The following ADAM28 variants were observed in gnomAD, a reference collection of about 807,000 sequenced individuals.
The protein encoded by ADAM28 is ADAM metallopeptidase domain 28.
ADAM28 carries 105 observed loss-of-function variants against 101.2 expected under a neutral mutation model. The observed-to-expected ratio is 1.04, with a 90% CI of 0.89 to 1.22. The LOEUF is 1.22. Among genes scored for constraint, ADAM28 ranks in the 50% most tolerant of loss-of-function variants. ADAM28 has a pLI of 0.00. For missense variants in ADAM28, 1,028 were observed against 945.4 expected, an observed-to-expected ratio of 1.09 and a Z score of -1.15; for synonymous variants, 322 against 310.6, an observed-to-expected ratio of 1.04 and a Z score of -0.39.
intron 9 of ADAM28, among the ~76,000 whole-genome samples, chr8:24,325,836 A>G (rs1812465162): frequency 7.2e-6 from 1 of 139,080 alleles, no homozygotes; most frequent in Middle Eastern, 3.7e-3. Context: ...GCAAATTTCT[A>G]GAGACAATTA....
intron 18 of ADAM28, among the ~76,000 whole-genome samples, chr8:24,348,780 T>C (rs6981000): frequency 0.072 from 10,986 of 152,192 alleles, 702 homozygotes; most frequent in African/African-American, 0.17. Flanking sequence ...TGTGCCCCAA[T>C]TTTAGCTCCA....
intron 6 of ADAM28, among the ~76,000 whole-genome samples, chr8:24,314,023 C>G (rs1010552222): frequency 3.9e-5 from 6 of 152,136 alleles, no homozygotes; most frequent in African/African-American, 7.2e-5. Context: ...TCCCAAAGTG[C>G]TGAGATTACA....
At chr8:24,338,010 G>A (rs1814297179) in intron 14 of ADAM28, among the ~76,000 whole-genome samples, 1 of 152,168 alleles carries the variant, frequency 6.6e-6, no homozygotes, top group Non-Finnish European at 1.5e-5. Context: ...CAGTGTCACA[G>A]AAAACATAAC....
In ADAM28 at chr8:24,343,585, G is replaced by A. The variant is rs753075591; in HGVS notation, c.1990+1G>A. On this transcript the variant is annotated splice_donor_variant, in intron 18 of 22. Coordinates refer to ENST00000265769, the MANE Select transcript of ADAM28 (RefSeq NM_014265.6). LOFTEE classifies it high-confidence loss of function. ...TGCGATGACTCCTCAGTGGTCTTCC[G>A]TAGGTAACATTACACATCTAACCTG... 1.7e-5 allele frequency: 27 copies of A among 1,613,384 alleles called. No homozygotes were observed. Among genetic ancestry groups the A allele is most frequent in the South Asian group, 5.5e-5 (5 of 91,060 alleles).
In ADAM28 at chr8:24,309,983, A is replaced by G. The variant is rs776006995; in HGVS notation, c.227+13A>G. On this transcript the variant is annotated intron_variant, in intron 3 of 22. Coordinates refer to ENST00000265769, the MANE Select transcript of ADAM28 (RefSeq NM_014265.6). Reference sequence around the variant, plus strand: ...TGAAAAAAAACAAGTAAGTATCTTTACCTGTGATATTATCCTCAGCAAGAG... The same window carrying G: ...TGAAAAAAAACAAGTAAGTATCTTTGCCTGTGATATTATCCTCAGCAAGAG... 4.5e-6 allele frequency: 7 copies of G among 1,548,604 alleles called. No homozygotes were observed. The highest frequency in any genetic ancestry group is 6.2e-6 in the Non-Finnish European group (7 of 1,122,622).
chr8:24,333,873 C>T (rs1013362939), intron 13 of ADAM28, among the ~76,000 whole-genome samples: 1 of 152,102 alleles, frequency 6.6e-6, no homozygotes. Flanking sequence ...TGTTTCCATA[C>T]TCAGATTGAC....
intron 1 of ADAM28, among the ~76,000 whole-genome samples, chr8:24,295,525 CT>C (rs1200387083): frequency 6.6e-6 from 1 of 152,136 alleles, no homozygotes; most frequent in Non-Finnish European, 1.5e-5. Context: ...CCAGAACCCC[CT>C]CTAAGCTGAA....
intron 11 of ADAM28, 57 bp from the exon 12 acceptor site, chr8:24,331,093 T>C: frequency 6.7e-7 from 1 of 1,497,294 alleles, no homozygotes; most frequent in Non-Finnish European, 9.0e-7. Context: ...TGTCAGATAC[T>C]GCTTCGCACA....
chr8:24,324,261 G>A (rs1812261808), intron 9 of ADAM28, among the ~76,000 whole-genome samples: 1 of 151,874 alleles, frequency 6.6e-6, no homozygotes, highest in Admixed American at 6.6e-5. Context: ...ATAATGGAAA[G>A]AGAGTTTTTG....
intron 6 of ADAM28, among the ~76,000 whole-genome samples, chr8:24,316,517 G>A (rs1319098754): frequency 6.6e-6 from 1 of 152,000 alleles, no homozygotes; most frequent in East Asian, 1.9e-4. Flanking sequence ...CTGGAATGAT[G>A]TGAAACTCTA....
At chr8:24,308,732 A>T (rs2129259596) in intron 2 of ADAM28, 1 of 456,146 alleles carries the variant, frequency 2.2e-6, no homozygotes, top group African/African-American at 2.0e-5. Context: ...GATTACTGAC[A>T]GCAGAGCAGA....
chr8:24,306,300 T>C (rs760729219), intron 2 of ADAM28, among the ~76,000 whole-genome samples: 36 of 147,816 alleles, frequency 2.4e-4, no homozygotes, highest in Non-Finnish European at 5.3e-4. Context: ...GCTGAGATCA[T>C]GCCACTGCAC....
At position 24,321,235 on chromosome 8, in the gene ADAM28, G is replaced by A; in HGVS notation, c.666G>A (p.Glu222=). ...LDNGEFKRYN[E]NQDEIRKRVF... is the part of the protein sequence containing the mutation. ...TCTTTTAGTTTAAAAGGTACAATGA[G>A]AATCAAGATGAGATCAGAAAGAGGG... The change falls in exon 8 of 23, where the codon GAG becomes GAA. Residue 222 remains glutamate (E), a synonymous_variant. Coordinates refer to ENST00000265769, the MANE Select transcript of ADAM28 (RefSeq NM_014265.6). 6.2e-7 allele frequency: 1 copy of A among 1,604,850 alleles called. No individual in the cohort carries two copies. Among genetic ancestry groups the A allele is most frequent in the Non-Finnish European group, 8.5e-7 (1 of 1,172,368 alleles).
intron 12 of ADAM28, among the ~76,000 whole-genome samples, chr8:24,331,816 G>A (rs992709332): frequency 5.3e-5 from 8 of 152,042 alleles, no homozygotes; most frequent in African/African-American, 1.9e-4. Context: ...TTACTGCTTT[G>A]GGACTCGGGA....
chr8:24,313,670 T>C, intron 6 of ADAM28, 90 bp downstream of exon 6: 1 of 1,348,782 alleles, frequency 7.4e-7, no homozygotes, highest in Non-Finnish European at 1.0e-6. Context: ...ACTATAGTCA[T>C]TGTCAAAATT....
At chr8:24,350,075 T>G in intron 19 of ADAM28, 103 bp downstream of exon 19, 2 of 1,019,654 alleles carry the variant, frequency 2.0e-6, no homozygotes, top group Non-Finnish European at 2.8e-6. Context: ...TTGGTTTACT[T>G]CTAATATTCA....
At chr8:24,338,511 ATTCTT>A in intron 14 of ADAM28, among the ~76,000 whole-genome samples, 1 of 152,258 alleles carries the variant, frequency 6.6e-6, no homozygotes, top group South Asian at 2.1e-4. Flanking sequence ...ATGACTAATG[ATTCTT>A]TTCTTCCATG....
rs200346695 is a variant in ADAM28, at chr8:24,349,896, A to T, written c.2023A>T (p.Met675Leu). Reference protein sequence around the residue: ...FSIVVGVLFPMAVIFVVVAMV... With the variant: ...FSIVVGVLFPLAVIFVVVAMV... Reference sequence around the variant, plus strand: ...CATTGTGGTTGGGGTGCTGTTCCCAATGGCGGTCATTTTTGTGGTGGTTGC... The same window carrying T: ...CATTGTGGTTGGGGTGCTGTTCCCATTGGCGGTCATTTTTGTGGTGGTTGC... Residue 675 changes from methionine (M) to leucine (L), a missense_variant, in exon 19 of 23, where the codon ATG (methionine) becomes TTG (leucine). Physicochemically the swap from Met to Leu is conservative, Grantham distance 15. Coordinates refer to ENST00000265769, the MANE Select transcript of ADAM28 (RefSeq NM_014265.6). 1 of 1,613,620 alleles carries T rather than the reference A, an allele frequency of 6.2e-7. No homozygotes were observed. Among genetic ancestry groups the T allele is most frequent in the Non-Finnish European group, 8.5e-7 (1 of 1,179,748 alleles).
chr8:24,296,199 A>G (rs1807941043), intron 1 of ADAM28: 1 of 152,218 alleles, frequency 6.6e-6, no homozygotes, highest in African/African-American at 2.4e-5. Context: ...TTTTGAAATT[A>G]TTTTATTTCA....
Sources: allele counts gnomAD v4.1 joint callset (sites outside exome capture counted in the v4.1 genomes callset), GRCh38; gene constraint gnomAD v4.1.1; transcripts MANE v1.5; gene names NCBI Gene and HGNC (gene_info 2026-07-23, HGNC 2026-07-21).